PLD1: variants seen among roughly 807,000 people sequenced by gnomAD.
PLD1 encodes choline phosphatase 1.
In PLD1, 112 loss-of-function variants were observed where a neutral mutation model predicts 137.1. The ratio of observed to expected loss-of-function variants is 0.82; its 90% CI spans 0.70 to 0.96. The LOEUF (loss-of-function observed/expected upper bound fraction) is 0.96. PLD1 is among the 40% of genes least tolerant of loss of function. PLD1 has a pLI of 0.00. For missense variants in PLD1, 1,321 were observed against 1,342.0 expected, an observed-to-expected ratio of 0.98 and a Z score of 0.24; for synonymous variants, 431 against 454.7, an observed-to-expected ratio of 0.95 and a Z score of 0.66.
At chr3:171,659,403 A>T in intron 20 of PLD1, 102 bp from the exon 21 acceptor site, 1 of 776,386 alleles carries the variant, frequency 1.3e-6, no homozygotes, top group Non-Finnish European at 2.2e-6. Context: ...CACACAGCAG[A>T]TGTGTTCTGA....
intron 23 of PLD1, among the ~76,000 whole-genome samples, chr3:171,640,932 T>C (rs1369593177): frequency 6.6e-6 from 1 of 152,226 alleles, no homozygotes; most frequent in Non-Finnish European, 1.5e-5. Context: ...ATGTTGCTGA[T>C]TGTTTTTGAT....
At chr3:171,637,524 T>G (rs1445914889) in intron 23 of PLD1, among the ~76,000 whole-genome samples, 1 of 152,180 alleles carries the variant, frequency 6.6e-6, no homozygotes, top group Non-Finnish European at 1.5e-5. Context: ...TGAGCCACCA[T>G]GCCTGGTCCT....
intron 26 of PLD1, among the ~76,000 whole-genome samples, chr3:171,604,341 A>C (rs1445955440): frequency 6.6e-6 from 1 of 151,838 alleles, no homozygotes; most frequent in East Asian, 1.9e-4. Flanking sequence ...AAAGGAAAGA[A>C]AGAAAAGAAA....
intron 8 of PLD1, among the ~76,000 whole-genome samples, chr3:171,718,109 A>G (rs1717809055): frequency 6.6e-6 from 1 of 152,242 alleles, no homozygotes; most frequent in Non-Finnish European, 1.5e-5. Context: ...ATTAGAAATG[A>G]CAAAGAGGAC....
rs571538714 is a variant in PLD1, at chr3:171,680,242, C to CTTTTTTTTTTTTTTTTT, written c.1868-2565_1868-2549dup. On this transcript the variant is annotated intron_variant, in intron 16 of 26. Coordinates refer to ENST00000351298, the MANE Select transcript of PLD1 (RefSeq NM_002662.5). ...GTCTTTTTGTTTTCTTTTTCTTCCT[C>CTTTTTTTTTTTTTTTTT]TTTTTTTTTTTTTTTTTTTTTTTTT... Among the ~76,000 whole-genome samples, 9 of 102,928 alleles carry CTTTTTTTTTTTTTTTTT rather than the reference C, an allele frequency of 8.7e-5. 2 individuals are homozygous for CTTTTTTTTTTTTTTTTT. Among genetic ancestry groups the CTTTTTTTTTTTTTTTTT allele is most frequent in the Non-Finnish European group, 7.6e-5 (4 of 52,644 alleles). The allele number at this position is 102,928 out of a possible 152,430, so 67.5% of individuals were successfully genotyped here. A position where few individuals can be genotyped will look rare whatever the true frequency, so the allele number is the denominator to read the frequency against.
chr3:171,808,640 T>C (rs1453022141), intron 1 of PLD1, among the ~76,000 whole-genome samples: 1 of 152,150 alleles, frequency 6.6e-6, no homozygotes, highest in Non-Finnish European at 1.5e-5. Context: ...TAATTTTAAT[T>C]AAGAAACACT....
intron 21 of PLD1, among the ~76,000 whole-genome samples, chr3:171,645,930 T>C (rs1302268861): frequency 6.8e-6 from 1 of 147,320 alleles, no homozygotes; most frequent in East Asian, 2.0e-4. Flanking sequence ...CCAGTATGTA[T>C]ATTTAAGTCC....
At chr3:171,756,968 G>T (rs2108300140) in intron 1 of PLD1, among the ~76,000 whole-genome samples, 1 of 152,242 alleles carries the variant, frequency 6.6e-6, no homozygotes, top group South Asian at 2.1e-4. Context: ...TAGGAATAAT[G>T]ACCTGAGTTG....
At chr3:171,780,784 A>C (rs1722767306) in intron 1 of PLD1, among the ~76,000 whole-genome samples, 1 of 152,236 alleles carries the variant, frequency 6.6e-6, no homozygotes, top group South Asian at 2.1e-4. Flanking sequence ...TCAAATGAGA[A>C]TGTGACTACA....
At chr3:171,716,545 A>G (rs1717697739) in intron 8 of PLD1, among the ~76,000 whole-genome samples, 1 of 152,158 alleles carries the variant, frequency 6.6e-6, no homozygotes, top group South Asian at 2.1e-4. Context: ...TCTTCTTTTG[A>G]AAAGTGTCTG....
intron 1 of PLD1, among the ~76,000 whole-genome samples, chr3:171,744,337 G>T (rs1393708678): frequency 1.3e-5 from 2 of 152,172 alleles, no homozygotes; most frequent in African/African-American, 4.8e-5. Context: ...AAGAAAAGGA[G>T]ATTCCAAGAC....
At chr3:171,684,148 C>T (rs1303622740) in intron 16 of PLD1, among the ~76,000 whole-genome samples, 1 of 152,168 alleles carries the variant, frequency 6.6e-6, no homozygotes, top group Admixed American at 6.5e-5. Context: ...GTGGATATCA[C>T]CTCTGTCAAC....
intron 23 of PLD1, among the ~76,000 whole-genome samples, chr3:171,626,420 A>G (rs1434986910): frequency 6.6e-6 from 1 of 152,232 alleles, no homozygotes; most frequent in Admixed American, 6.5e-5. Context: ...CAAGTTGGAA[A>G]ACACTCTGCA....
intron 1 of PLD1, among the ~76,000 whole-genome samples, chr3:171,786,694 T>A (rs892922915): frequency 1.8e-4 from 27 of 152,184 alleles, no homozygotes; most frequent in African/African-American, 6.3e-4. Context: ...AACTTCCATG[T>A]CAGTTGAGCT....
chr3:171,730,827 T>C (rs9830433), intron 6 of PLD1, among the ~76,000 whole-genome samples: 78,436 of 151,712 alleles, frequency 0.52, 21,456 homozygotes, highest in African/African-American at 0.7. Flanking sequence ...TTAGTAGAGA[T>C]GAGGTTTCAC....
intron 1 of PLD1, among the ~76,000 whole-genome samples, chr3:171,744,832 A>C (rs1205195967): frequency 6.6e-6 from 1 of 152,234 alleles, no homozygotes; most frequent in Non-Finnish European, 1.5e-5. Flanking sequence ...TTTAATAATA[A>C]CCCAAGAAAA....
At chr3:171,664,136 A>G (rs1045440446) in intron 19 of PLD1, among the ~76,000 whole-genome samples, 2 of 152,230 alleles carry the variant, frequency 1.3e-5, no homozygotes, top group Non-Finnish European at 2.9e-5. Context: ...AATTGTCAAC[A>G]TGAATATATT....
chr3:171,605,298 C>A lies in PLD1; in HGVS notation c.3000+1G>T. 3.9e-6 allele frequency: 6 copies of A among 1,553,578 alleles called. No individual in the cohort carries two copies. Among genetic ancestry groups the A allele is most frequent in the Non-Finnish European group, 5.3e-6 (6 of 1,124,786 alleles). ...GGAGGAGGGGAATACGTGAACTTCA[C>A]CTTGTCATAAATTGTAGCATTTCGA... On this transcript the variant is annotated splice_donor_variant, in intron 26 of 26. Transcript: ENST00000351298. LOFTEE classifies it high-confidence loss of function.
intron 1 of PLD1, among the ~76,000 whole-genome samples, chr3:171,761,240 G>T (rs1721372005): frequency 1.3e-5 from 2 of 152,250 alleles, no homozygotes; most frequent in African/African-American, 4.8e-5. Flanking sequence ...GCAAAGAAGG[G>T]TCTGGATATC....
Sources: allele counts gnomAD v4.1 joint callset (sites outside exome capture counted in the v4.1 genomes callset), GRCh38; gene constraint gnomAD v4.1.1; transcripts MANE v1.5; gene names NCBI Gene and HGNC (gene_info 2026-07-23, HGNC 2026-07-21).